Variants in GRM7 observed in about 807,000 individuals in gnomAD.
The protein encoded by GRM7 is glutamate metabotropic receptor 7.
GRM7 carries 35 observed loss-of-function variants against 84.5 expected under a neutral mutation model. That is an observed-to-expected ratio of 0.41 (90% confidence interval 0.32 to 0.55). GRM7 has a LOEUF of 0.55. Among genes scored for constraint, GRM7 ranks in the 20% least tolerant of loss-of-function variants. GRM7 has a pLI of 0.19. For synonymous variants in GRM7, 487 were observed against 455.1 expected (o/e 1.07, Z -0.89); for missense variants, 1,003 against 1,194.6 (o/e 0.84, Z 2.36).
intron 7 of GRM7, among the ~76,000 whole-genome samples, chr3:7,492,904 A>AT (rs771353643): frequency 4.0e-5 from 6 of 151,764 alleles, no homozygotes; most frequent in Admixed American, 6.6e-5. Context: ...CTTCCATGAT[A>AT]TTTTTTTTCC....
At chr3:7,071,383 G>A (rs1400974400) in intron 1 of GRM7, among the ~76,000 whole-genome samples, 5 of 152,064 alleles carry the variant, frequency 3.3e-5, no homozygotes, top group Non-Finnish European at 7.4e-5. Context: ...AAACTTCCAG[G>A]CTCCATCCCT....
intron 7 of GRM7, among the ~76,000 whole-genome samples, chr3:7,572,417 C>T (rs1020203598): frequency 4.6e-5 from 7 of 152,114 alleles, no homozygotes; most frequent in Admixed American, 2.0e-4. Flanking sequence ...AGTTGAGCCT[C>T]AGAAACCTTA....
intron 3 of GRM7, among the ~76,000 whole-genome samples, chr3:7,305,260 G>C (rs1022599603): frequency 1.4e-5 from 2 of 144,536 alleles, no homozygotes; most frequent in Admixed American, 1.4e-4. Context: ...GTGTTTTTTT[G>C]TTACCATCTC....
At chr3:7,290,933 T>C (rs1483899635) in intron 2 of GRM7, among the ~76,000 whole-genome samples, 2 of 152,052 alleles carry the variant, frequency 1.3e-5, no homozygotes, top group Non-Finnish European at 2.9e-5. Flanking sequence ...TCAGTACCTC[T>C]ATCACCAAAA....
intron 4 of GRM7, among the ~76,000 whole-genome samples, chr3:7,354,585 A>G (rs572030052): frequency 6.6e-6 from 1 of 152,302 alleles, no homozygotes; most frequent in Non-Finnish European, 1.5e-5. Context: ...AGTAGAGATT[A>G]GTGTCACCAT....
At chr3:6,929,506 A>C (rs1356345041) in intron 1 of GRM7, among the ~76,000 whole-genome samples, 4 of 152,170 alleles carry the variant, frequency 2.6e-5, no homozygotes, top group Non-Finnish European at 5.9e-5. Context: ...TGTATATCAC[A>C]CAGTAGGTAT....
chr3:7,104,655 A>G (rs992383069), intron 1 of GRM7, among the ~76,000 whole-genome samples: 2 of 151,740 alleles, frequency 1.3e-5, no homozygotes, highest in African/African-American at 2.4e-5. Flanking sequence ...GAACTCATCA[A>G]ACATCTCATA....
chr3:6,868,798 G>A (rs1311646068), intron 1 of GRM7, among the ~76,000 whole-genome samples: 2 of 152,120 alleles, frequency 1.3e-5, no homozygotes, highest in Non-Finnish European at 2.9e-5. Flanking sequence ...GGCCGTGGAG[G>A]GAAGGGTAGG....
chr3:7,403,527 A>G (rs1040333256), intron 4 of GRM7, among the ~76,000 whole-genome samples: 2 of 150,276 alleles, frequency 1.3e-5, no homozygotes, highest in African/African-American at 4.9e-5. Flanking sequence ...TGACATTCAA[A>G]GAATGGCAAC....
intron 4 of GRM7, among the ~76,000 whole-genome samples, chr3:7,360,393 G>T (rs535870101): frequency 6.6e-6 from 1 of 151,214 alleles, no homozygotes; most frequent in East Asian, 1.9e-4. Context: ...CTAAGGAAAT[G>T]AAACATGGCA....
chr3:6,949,749 T>G (rs1011545717), intron 1 of GRM7, among the ~76,000 whole-genome samples: 1 of 152,192 alleles, frequency 6.6e-6, no homozygotes, highest in African/African-American at 2.4e-5. Flanking sequence ...GAGGCTTTGT[T>G]TGTTTCGTTT....
chr3:7,095,249 G>T (rs147175239), intron 1 of GRM7, among the ~76,000 whole-genome samples: 1 of 152,104 alleles, frequency 6.6e-6, no homozygotes, highest in Non-Finnish European at 1.5e-5. Context: ...TGACAGATGG[G>T]GAAATGGAAG....
At chr3:7,420,343 A>G (rs1466007592) in intron 5 of GRM7, among the ~76,000 whole-genome samples, 1 of 152,164 alleles carries the variant, frequency 6.6e-6, no homozygotes, top group Non-Finnish European at 1.5e-5. Flanking sequence ...TGTCACAAAG[A>G]TGTTTTATTG....
intron 4 of GRM7, among the ~76,000 whole-genome samples, chr3:7,375,507 C>T (rs1320413277): frequency 2.0e-5 from 3 of 152,082 alleles, no homozygotes; most frequent in East Asian, 3.9e-4. Flanking sequence ...CGTGAGCCAC[C>T]GTGCCCGGCC....
At chr3:6,959,603 C>T (rs1307257729) in intron 1 of GRM7, among the ~76,000 whole-genome samples, 3 of 152,098 alleles carry the variant, frequency 2.0e-5, no homozygotes, top group Non-Finnish European at 4.4e-5. Context: ...ATATATTACC[C>T]CATCTGACCT....
At chr3:7,693,672 C>T (rs1700901565) in intron 9 of GRM7, 4 of 1,529,018 alleles carry the variant, frequency 2.6e-6, no homozygotes, top group Non-Finnish European at 3.5e-6. Context: ...GCACTGGCAT[C>T]TAGTCAAGCG....
intron 8 of GRM7, among the ~76,000 whole-genome samples, chr3:7,621,774 A>G (rs1697369836): frequency 1.3e-5 from 2 of 152,180 alleles, no homozygotes; most frequent in African/African-American, 4.8e-5. Flanking sequence ...CCACTAACAC[A>G]CTGAGATCCT....
intron 2 of GRM7, among the ~76,000 whole-genome samples, chr3:7,179,546 G>A (rs769565470): frequency 1.3e-5 from 2 of 152,160 alleles, no homozygotes; most frequent in East Asian, 3.9e-4. Flanking sequence ...AGAAGGAGCC[G>A]CATATGCGTA....
At chr3:7,174,500 T>A (rs865944224) in intron 2 of GRM7, among the ~76,000 whole-genome samples, 2 of 152,324 alleles carry the variant, frequency 1.3e-5, no homozygotes, top group Middle Eastern at 3.4e-3. Flanking sequence ...CACTGTATTA[T>A]CTAGGGCAGT....
Sources: allele counts gnomAD v4.1 joint callset (sites outside exome capture counted in the v4.1 genomes callset), GRCh38; gene constraint gnomAD v4.1.1; transcripts MANE v1.5; gene names NCBI Gene and HGNC (gene_info 2026-07-23, HGNC 2026-07-21).